Variants in PPP2R2B observed in about 807,000 individuals in gnomAD.
The protein encoded by PPP2R2B is protein phosphatase 2 regulatory subunit Bbeta.
Under a neutral mutation model 46.0 loss-of-function variants are expected in PPP2R2B, and 5 were observed. The ratio of observed to expected loss-of-function variants is 0.11; its 90% CI spans 0.06 to 0.23. PPP2R2B has a LOEUF of 0.23. Among genes scored for constraint, PPP2R2B ranks in the 10% least tolerant of loss-of-function variants. PPP2R2B has a pLI of 1.00. For missense variants in PPP2R2B, 367 were observed against 575.0 expected (o/e 0.64, Z 3.70); for synonymous variants, 215 against 206.7 (o/e 1.04, Z -0.34).
At chr5:147,010,859 T>G (rs145013423) in intron 1 of PPP2R2B, among the ~76,000 whole-genome samples, 99 of 152,264 alleles carry the variant, frequency 6.5e-4, no homozygotes, top group Non-Finnish European at 1.1e-3. Context: ...ACTCTACAGC[T>G]GCCACCCTGG....
rs867967245 is a variant in PPP2R2B, at chr5:146,600,406, G to A, written c.845C>T (p.Ser282Phe). The A allele has an allele frequency of 6.2e-7, 1 of 1,613,898 alleles. No homozygotes were observed. The highest frequency in any genetic ancestry group is 8.5e-7 in the Non-Finnish European group (1 of 1,179,892). ...SNRSFFSEII[S>F]SISDVKFSHS... ...GCTGAACTTCACATCCGAAATCGAA[G>A]AGATAATTTCAGAGAAAAATGATCT... Residue 282 changes from serine (S) to phenylalanine (F), a missense_variant, in exon 8 of 10, where the codon TCT becomes TTT. Physicochemically the swap from Ser to Phe is radical, Grantham distance 155. Transcript: ENST00000394411.
chr5:146,956,776 C>T (rs1751932318), intron 1 of PPP2R2B, among the ~76,000 whole-genome samples: 1 of 152,170 alleles, frequency 6.6e-6, no homozygotes, highest in Non-Finnish European at 1.5e-5. Flanking sequence ...ATCAAGGGGC[C>T]AGCAGATTTG....
At chr5:146,678,189 C>T (rs1210316005) in intron 5 of PPP2R2B, among the ~76,000 whole-genome samples, 1 of 152,086 alleles carries the variant, frequency 6.6e-6, no homozygotes, top group East Asian at 1.9e-4. Flanking sequence ...AAAAGCTTAT[C>T]CACCATGATC....
chr5:146,803,153 C>T (rs1756967574), intron 2 of PPP2R2B, among the ~76,000 whole-genome samples: 1 of 152,142 alleles, frequency 6.6e-6, no homozygotes, highest in Non-Finnish European at 1.5e-5. Flanking sequence ...CACCTAAATG[C>T]TTTACAGCTA....
chr5:146,984,772 G>A (rs968767793), intron 1 of PPP2R2B, among the ~76,000 whole-genome samples: 1 of 151,868 alleles, frequency 6.6e-6, no homozygotes, highest in Non-Finnish European at 1.5e-5. Context: ...AATTCTGACA[G>A]GTGTGAGAGG....
intron 1 of PPP2R2B, among the ~76,000 whole-genome samples, chr5:146,948,927 A>G (rs1248576647): frequency 6.6e-6 from 1 of 152,084 alleles, no homozygotes; most frequent in Non-Finnish European, 1.5e-5. Context: ...TCATCTAAGG[A>G]CTTTGCTAAA....
At chr5:146,984,996 G>C (rs957878324) in intron 1 of PPP2R2B, among the ~76,000 whole-genome samples, 58 of 145,144 alleles carry the variant, frequency 4.0e-4, no homozygotes, top group African/African-American at 1.5e-3. Context: ...CAGATGTATA[G>C]TTTGCAAATA....
intron 5 of PPP2R2B, among the ~76,000 whole-genome samples, chr5:146,689,908 T>C (rs973200017): frequency 2.6e-5 from 4 of 152,192 alleles, no homozygotes; most frequent in Non-Finnish European, 5.9e-5. Flanking sequence ...ATGTGCCCAT[T>C]AGGACAGGGT....
intron 2 of PPP2R2B, among the ~76,000 whole-genome samples, chr5:146,865,814 C>T (rs1052231534): frequency 2.3e-4 from 35 of 152,102 alleles, no homozygotes; most frequent in African/African-American, 8.0e-4. Context: ...TCACACAAGA[C>T]TCTGCCTCCA....
rs989210248 is a variant in PPP2R2B, at chr5:147,036,389, C to T, written c.79+19276G>A. ...CACAGTATTCCATGGTGTCTATGTA[C>T]CACATTTTCTTTATCCAGTCTATCA... On this transcript the variant is annotated intron_variant, in intron 1 of 8. Coordinates refer to the PPP2R2B transcript ENST00000336640. Among the ~76,000 whole-genome samples the T allele has an allele frequency of 2.6e-5, 4 of 152,140 alleles. No homozygotes were observed. The South Asian group carries it at 8.3e-4, about 32-fold the overall frequency.
At chr5:147,008,392 A>G (rs1754551088) in intron 1 of PPP2R2B, among the ~76,000 whole-genome samples, 1 of 152,196 alleles carries the variant, frequency 6.6e-6, no homozygotes, top group African/African-American at 2.4e-5. Context: ...ATTTTAATTC[A>G]TAAAATATTT....
chr5:146,780,767 TTC>T (rs1755461318), intron 2 of PPP2R2B, among the ~76,000 whole-genome samples: 1 of 152,156 alleles, frequency 6.6e-6, no homozygotes, highest in Admixed American at 6.5e-5. Flanking sequence ...TCCATGACAA[TTC>T]TCTCTGCCTG....
chr5:146,668,085 C>T (rs1253523442), intron 5 of PPP2R2B, among the ~76,000 whole-genome samples: 2 of 152,188 alleles, frequency 1.3e-5, no homozygotes, highest in Admixed American at 1.3e-4. Context: ...CATCCCAGAA[C>T]CTGACTGCTG....
chr5:146,739,310 G>C (rs1254238794), intron 2 of PPP2R2B, among the ~76,000 whole-genome samples: 1 of 152,190 alleles, frequency 6.6e-6, no homozygotes, highest in Non-Finnish European at 1.5e-5. Flanking sequence ...GTGAGCCACT[G>C]TACTTGGGAA....
chr5:146,907,770 G>T (rs975508923), intron 1 of PPP2R2B, among the ~76,000 whole-genome samples: 1 of 152,116 alleles, frequency 6.6e-6, no homozygotes, highest in Non-Finnish European at 1.5e-5. Context: ...CTACTTTACT[G>T]TTTAGCAATT....
At chr5:147,001,876 G>C (rs1173723307) in intron 1 of PPP2R2B, among the ~76,000 whole-genome samples, 1 of 152,106 alleles carries the variant, frequency 6.6e-6, no homozygotes, top group Admixed American at 6.5e-5. Context: ...GGAACCAGCT[G>C]CTGCTTTTCC....
At chr5:146,658,615 C>T (rs1776491192) in intron 5 of PPP2R2B, among the ~76,000 whole-genome samples, 1 of 152,174 alleles carries the variant, frequency 6.6e-6, no homozygotes, top group Non-Finnish European at 1.5e-5. Flanking sequence ...TTCATTTCTT[C>T]GTTCCTAACT....
At chr5:146,973,147 A>C (rs1364912124) in intron 1 of PPP2R2B, among the ~76,000 whole-genome samples, 1 of 152,188 alleles carries the variant, frequency 6.6e-6, no homozygotes. Context: ...AGGTATAAAA[A>C]TGAGTAGGAT....
intron 2 of PPP2R2B, among the ~76,000 whole-genome samples, chr5:147,068,424 TG>T (rs1436913043): frequency 6.6e-6 from 1 of 152,202 alleles, no homozygotes; most frequent in Non-Finnish European, 1.5e-5. Context: ...GTCTTTCTAA[TG>T]CCCTCAAGTT....
Sources: gnomAD v4.1 joint callset for allele counts (sites outside exome capture counted in the v4.1 genomes callset) on GRCh38, gnomAD v4.1.1 for gene constraint, MANE v1.5 for transcripts, NCBI Gene and HGNC (gene_info 2026-07-23, HGNC 2026-07-21) for gene names.